The following JAZF1 variants were observed in gnomAD, a reference collection of about 807,000 sequenced individuals.
The protein encoded by JAZF1 is juxtaposed with another zinc finger protein 1.
Under a neutral mutation model 26.4 loss-of-function variants are expected in JAZF1, and 8 were observed. The ratio of observed to expected loss-of-function variants is 0.30; its 90% CI spans 0.18 to 0.55. JAZF1 has a LOEUF of 0.55. Among genes scored for constraint, JAZF1 ranks in the 20% least tolerant of loss-of-function variants. JAZF1 has a pLI of 0.94. For synonymous variants in JAZF1, 126 were observed against 122.3 expected (o/e 1.03, Z -0.20); for missense variants, 199 against 322.0 (o/e 0.62, Z 2.92).
At chr7:27,855,369 T>G (rs1436360869) in intron 3 of JAZF1, among the ~76,000 whole-genome samples, 1 of 151,514 alleles carries the variant, frequency 6.6e-6, no homozygotes, top group Non-Finnish European at 1.5e-5. Flanking sequence ...AAGAAATAAC[T>G]AAGAGCAGAA....
intron 3 of JAZF1, among the ~76,000 whole-genome samples, chr7:27,849,773 A>ACACACACACACACACACACACACACAAC (rs1187295731): frequency 5.3e-5 from 6 of 114,006 alleles, no homozygotes; most frequent in African/African-American, 3.3e-4. Context: ...ACACACACAC[A>ACACACACACACACACACACACACACAAC]CCCCTACACC....
At chr7:28,139,547 A>C (rs1489816109) in intron 1 of JAZF1, among the ~76,000 whole-genome samples, 5 of 152,224 alleles carry the variant, frequency 3.3e-5, no homozygotes, top group African/African-American at 1.2e-4. Context: ...AGAAACTACC[A>C]GAAGCTGGGA....
chr7:28,159,910 T>C (rs375325011), intron 1 of JAZF1, among the ~76,000 whole-genome samples: 1 of 152,322 alleles, frequency 6.6e-6, no homozygotes, highest in East Asian at 1.9e-4. Flanking sequence ...AGCGAAACCA[T>C]AATTACGAAA....
intron 2 of JAZF1, among the ~76,000 whole-genome samples, chr7:27,906,943 C>T (rs1784268304): frequency 1.3e-5 from 2 of 152,128 alleles, no homozygotes; most frequent in South Asian, 4.1e-4. Flanking sequence ...CTTGTTTTGC[C>T]TCCTCTAGAA....
chr7:27,912,221 G>A (rs1186108630), intron 2 of JAZF1, among the ~76,000 whole-genome samples: 2 of 152,184 alleles, frequency 1.3e-5, no homozygotes, highest in Non-Finnish European at 2.9e-5. Context: ...GCTGTGAAGG[G>A]TACTTTACAA....
chr7:28,040,857 T>C (rs559689041), intron 1 of JAZF1, among the ~76,000 whole-genome samples: 1 of 152,324 alleles, frequency 6.6e-6, no homozygotes, highest in Non-Finnish European at 1.5e-5. Flanking sequence ...TAACAAGCTT[T>C]ATCCCAAGAA....
intron 1 of JAZF1, among the ~76,000 whole-genome samples, chr7:28,051,807 A>G (rs1783622412): frequency 6.6e-6 from 1 of 152,240 alleles, no homozygotes; most frequent in Non-Finnish European, 1.5e-5. Context: ...ATTAAAATCA[A>G]CTAGTAACTC....
chr7:28,116,131 A>G (rs1390745574), intron 1 of JAZF1, among the ~76,000 whole-genome samples: 2 of 152,224 alleles, frequency 1.3e-5, no homozygotes, highest in African/African-American at 4.8e-5. Context: ...AGGTCACTGC[A>G]TATGTATTCA....
intron 1 of JAZF1, among the ~76,000 whole-genome samples, chr7:28,058,861 C>A (rs1783756402): frequency 6.6e-6 from 1 of 152,110 alleles, no homozygotes; most frequent in Non-Finnish European, 1.5e-5. Flanking sequence ...ATTTTACATG[C>A]CCTTAAAATG....
chr7:27,934,046 G>A (rs1784726982), intron 2 of JAZF1, among the ~76,000 whole-genome samples: 1 of 152,132 alleles, frequency 6.6e-6, no homozygotes, highest in African/African-American at 2.4e-5. Flanking sequence ...TTTTTCATTA[G>A]CCGCATGGAA....
chr7:27,918,219 A>T (rs1447724748), intron 2 of JAZF1, among the ~76,000 whole-genome samples: 2 of 152,200 alleles, frequency 1.3e-5, no homozygotes, highest in African/African-American at 4.8e-5. Context: ...AATACAAAGG[A>T]TGTAAAACTT....
chr7:27,966,079 CTAATGCTTTATGAGCAGCATGCT>C (rs1329583220), intron 2 of JAZF1, among the ~76,000 whole-genome samples: 1 of 152,200 alleles, frequency 6.6e-6, no homozygotes, highest in Non-Finnish European at 1.5e-5. Flanking sequence ...TTAGAAAAAG[CTAATGCTTTATGAGCAGCATGCT>C]GGCATCCCTT....
intron 2 of JAZF1, among the ~76,000 whole-genome samples, chr7:27,947,463 G>T (rs1784937924): frequency 1.3e-5 from 2 of 152,204 alleles, no homozygotes; most frequent in South Asian, 4.1e-4. Flanking sequence ...AGCACTCACA[G>T]TTGTTCTGTT....
At chr7:27,848,539 A>C (rs750660330) in intron 3 of JAZF1, among the ~76,000 whole-genome samples, 3 of 152,220 alleles carry the variant, frequency 2.0e-5, no homozygotes, top group Non-Finnish European at 2.9e-5. Context: ...CACAAGGTTT[A>C]AGGACACAAA....
At chr7:28,047,819 C>T (rs1281988856) in intron 1 of JAZF1, among the ~76,000 whole-genome samples, 2 of 152,106 alleles carry the variant, frequency 1.3e-5, no homozygotes, top group African/African-American at 2.4e-5. Context: ...TACAATACCA[C>T]GGAGTATTAT....
At chr7:27,907,932 G>A (rs1443962263) in intron 2 of JAZF1, among the ~76,000 whole-genome samples, 1 of 152,160 alleles carries the variant, frequency 6.6e-6, no homozygotes, top group Admixed American at 6.5e-5. Flanking sequence ...ACCAATGAAG[G>A]TGACATGTAA....
chr7:27,955,048 G>A (rs542504231), intron 2 of JAZF1, among the ~76,000 whole-genome samples: 2 of 152,286 alleles, frequency 1.3e-5, no homozygotes, highest in South Asian at 4.1e-4. Context: ...ATGAGCCACC[G>A]TGCCCAGCCA....
chr7:28,089,941 T>A (rs1325252945), intron 1 of JAZF1, among the ~76,000 whole-genome samples: 1 of 152,182 alleles, frequency 6.6e-6, no homozygotes, highest in Non-Finnish European at 1.5e-5. Context: ...AATTGAGATG[T>A]GAGGGAAACA....
chr7:28,042,813 G>A (rs1783416433), intron 1 of JAZF1, among the ~76,000 whole-genome samples: 2 of 152,110 alleles, frequency 1.3e-5, no homozygotes, highest in African/African-American at 4.8e-5. Flanking sequence ...GAAGCAATAG[G>A]CTATAGCATA....
Sources: allele counts gnomAD v4.1 joint callset (sites outside exome capture counted in the v4.1 genomes callset), GRCh38; gene constraint gnomAD v4.1.1; transcripts MANE v1.5; gene names NCBI Gene and HGNC (gene_info 2026-07-23, HGNC 2026-07-21).